CEP83: variants seen among roughly 807,000 people sequenced by gnomAD.
CEP83 encodes centrosomal protein 83.
A neutral mutation model predicts 101.9 loss-of-function variants in CEP83; 70 were observed. The observed-to-expected ratio is 0.69, with a 90% CI of 0.57 to 0.84. The LOEUF is 0.84. Among genes scored for constraint, CEP83 ranks in the 40% least tolerant of loss-of-function variants. CEP83 has a pLI of 0.00. For missense variants in CEP83, 715 were observed against 787.2 expected (o/e 0.91, Z 1.10); for synonymous variants, 264 against 267.9 (o/e 0.99, Z 0.14).
At chr12:94,337,997 T>C (rs1432874963) in intron 11 of CEP83, among the ~76,000 whole-genome samples, 4 of 152,126 alleles carry the variant, frequency 2.6e-5, no homozygotes, top group East Asian at 1.9e-4. Flanking sequence ...GCCAGGTTAA[T>C]AGGCTGGAAG....
chr12:94,399,558 T>A (rs1011037839), intron 6 of CEP83, among the ~76,000 whole-genome samples: 6 of 152,168 alleles, frequency 3.9e-5, no homozygotes, highest in African/African-American at 1.4e-4. Context: ...AGAGTTTTTG[T>A]ATTTTTTGTT....
downstream of CEP83, chr12:94,305,927 C>G (rs1214746472): frequency 1.3e-5 from 2 of 149,596 alleles, no homozygotes; most frequent in African/African-American, 2.6e-5. Context: ...CCATCAAACT[C>G]ACCTCCATTT....
chr12:94,442,906 G>A (rs1015373256), intron 1 of CEP83, among the ~76,000 whole-genome samples: 1 of 151,902 alleles, frequency 6.6e-6, no homozygotes, highest in Non-Finnish European at 1.5e-5. Flanking sequence ...CCCATTTCTA[G>A]AGCCATCACA....
downstream of CEP83, chr12:94,307,069 A>AAACTC (rs1480849499): frequency 1.3e-5 from 2 of 152,160 alleles, no homozygotes; most frequent in East Asian, 1.9e-4. Context: ...AGGGTACTGA[A>AAACTC]AACTCAAAGG....
At chr12:94,303,557 A>G (rs1166925451), downstream of CEP83, among the ~76,000 whole-genome samples, 2 of 152,160 alleles carry the variant, frequency 1.3e-5, no homozygotes, top group African/African-American at 4.8e-5. Context: ...ACAGTGACTC[A>G]CCAGAACTAT....
At chr12:94,420,490 C>T (rs2064640826) in intron 2 of CEP83, among the ~76,000 whole-genome samples, 1 of 152,192 alleles carries the variant, frequency 6.6e-6, no homozygotes. Flanking sequence ...AGCCCATGGG[C>T]CACATACAGC....
chr12:94,365,123 T>A (rs1051092940), intron 11 of CEP83, among the ~76,000 whole-genome samples: 2 of 151,646 alleles, frequency 1.3e-5, no homozygotes, highest in African/African-American at 4.9e-5. Flanking sequence ...TAAAGAACTC[T>A]TAAAAAGTAA....
At chr12:94,298,565 CTATTA>C in the CEP83 span, 1 of 1,244,184 alleles carries the variant, frequency 8.0e-7, no homozygotes, top group Non-Finnish European at 1.1e-6. Context: ...TTTGCTTTTG[CTATTA>C]TGTTTTCAAA....
At chr12:94,396,621 C>T (rs1370882372) in intron 6 of CEP83, among the ~76,000 whole-genome samples, 1 of 152,048 alleles carries the variant, frequency 6.6e-6, no homozygotes, top group Non-Finnish European at 1.5e-5. Flanking sequence ...GAGATATGTT[C>T]TTTCACATAT....
chr12:94,307,023 T>TAGGAG (rs1204290762), downstream of CEP83: 1 of 152,092 alleles, frequency 6.6e-6, no homozygotes, highest in Non-Finnish European at 1.5e-5. Flanking sequence ...GAGCCAAGGG[T>TAGGAG]AGGAGAGTTG....
At position 94,376,688 on chromosome 12, in the gene CEP83, T is replaced by TACACACACAC. The variant is rs1225591201; in HGVS notation, c.802-672_802-671insGTGTGTGTGT. ...CTATTCAACATAATATATATACATA[T>TACACACACAC]ATACACACACACACACACACACACA... On this transcript the variant is annotated intron_variant, in intron 7 of 16. Transcript: ENST00000397809. Among the ~76,000 whole-genome samples, 30 of 87,526 alleles carry TACACACACAC rather than the reference T, an allele frequency of 3.4e-4. No homozygotes were observed. The East Asian group carries it at 5.9e-3, about 17-fold the overall frequency. 57.4% of individuals were successfully genotyped at this position (87,526 alleles called of 152,430 possible).
the CEP83 span, chr12:94,272,448 T>C: frequency 6.6e-6 from 1 of 152,240 alleles, no homozygotes; most frequent in Non-Finnish European, 1.5e-5. Flanking sequence ...ATCCACTTAA[T>C]GTCATCGGCC....
intron 11 of CEP83, among the ~76,000 whole-genome samples, chr12:94,337,502 T>C (rs2059500877): frequency 6.6e-6 from 1 of 152,186 alleles, no homozygotes; most frequent in Non-Finnish European, 1.5e-5. Context: ...ACTAATGGTA[T>C]TAAAGTTCAA....
chr12:94,419,106 C>A (rs2064514741), intron 2 of CEP83, among the ~76,000 whole-genome samples: 1 of 151,260 alleles, frequency 6.6e-6, no homozygotes, highest in Non-Finnish European at 1.5e-5. Context: ...TGTAGAAAAT[C>A]TAAACAAATT....
chr12:94,326,089 C>T (rs2058964035), intron 14 of CEP83, among the ~76,000 whole-genome samples: 1 of 152,152 alleles, frequency 6.6e-6, no homozygotes, highest in African/African-American at 2.4e-5. Context: ...TTCAGGTTCA[C>T]TCCCCTGACC....
chr12:94,403,090 T>G, intron 5 of CEP83, 80 bp downstream of exon 5: 1 of 745,508 alleles, frequency 1.3e-6, no homozygotes, highest in South Asian at 1.6e-5. Context: ...TGCAGGGTTT[T>G]GGGGTAGGGG....
chr12:94,323,113 TG>T (rs1302852750), intron 14 of CEP83, among the ~76,000 whole-genome samples: 1 of 152,128 alleles, frequency 6.6e-6, no homozygotes, highest in Non-Finnish European at 1.5e-5. Flanking sequence ...TCCAAGCCAG[TG>T]GGTCTTATCC....
In CEP83 at chr12:94,428,910, C is replaced by T. The variant is rs145821142; in HGVS notation, c.-102+6365G>A. ...TTCTAAGTACCTTTAATATGCTAGACACTTTGTTGGATACAGGAATACAGA... is the reference window on the plus strand; with the variant it reads ...TTCTAAGTACCTTTAATATGCTAGATACTTTGTTGGATACAGGAATACAGA... On this transcript the variant is annotated intron_variant, in intron 2 of 16. Coordinates refer to ENST00000397809, the MANE Select transcript of CEP83 (RefSeq NM_016122.3). Among the ~76,000 whole-genome samples the T allele has an allele frequency of 2.2e-3, 329 of 152,274 alleles. 1 individual carries two copies. Among genetic ancestry groups the T allele is most frequent in the African/African-American group, 7.4e-3 (308 of 41,560 alleles).
chr12:94,298,899 C>A, the CEP83 span: 2 of 1,127,912 alleles, frequency 1.8e-6, no homozygotes, highest in South Asian at 1.5e-5. Context: ...ATCTCTATAT[C>A]AGAATCTTTG....
Sources: gnomAD v4.1 joint callset for allele counts (sites outside exome capture counted in the v4.1 genomes callset) on GRCh38, gnomAD v4.1.1 for gene constraint, MANE v1.5 for transcripts, NCBI Gene and HGNC (gene_info 2026-07-23, HGNC 2026-07-21) for gene names.